RIMS4: variants seen among roughly 807,000 people sequenced by gnomAD.
The protein encoded by RIMS4 is regulating synaptic membrane exocytosis 4.
Under a neutral mutation model 29.0 loss-of-function variants are expected in RIMS4, and 9 were observed. That is an observed-to-expected ratio of 0.31 (90% CI 0.19 to 0.54). The LOEUF (loss-of-function observed/expected upper bound fraction) is 0.54. Among genes scored for constraint, RIMS4 ranks in the 20% least tolerant of loss-of-function variants. The pLI, the probability that RIMS4 is intolerant of heterozygous loss-of-function variation, is 0.94. For missense variants in RIMS4, 193 were observed against 365.7 expected, an observed-to-expected ratio of 0.53 and a Z score of 3.85; for synonymous variants, 130 against 152.9, an observed-to-expected ratio of 0.85 and a Z score of 1.10.
Position 44,753,928 on chromosome 20 carries a change from G to A in RIMS4, c.*2206C>T, listed in dbSNP as rs1369736707. The A allele has an allele frequency of 6.6e-6, 1 of 152,642 alleles. No individual in the cohort carries two copies. Among genetic ancestry groups the A allele is most frequent in the Non-Finnish European group, 1.5e-5 (1 of 68,054 alleles). The allele number at this position is 152,642 out of a possible 1,614,324, so 9.5% of individuals were successfully genotyped here. A position where few individuals can be genotyped will look rare whatever the true frequency, so the allele number is the denominator to read the frequency against. On this transcript the variant is annotated 3_prime_UTR_variant, in exon 6 of 6. Coordinates refer to ENST00000372851, the MANE Select transcript of RIMS4 (RefSeq NM_182970.4). ...TTTATAAAGGCTGTGCAGACACCAG[G>A]GGAAGGGCTCAGGCTGTCAGGGCCA...
intron 1 of RIMS4, among the ~76,000 whole-genome samples, chr20:44,797,523 G>A (rs1448350630): frequency 6.6e-6 from 1 of 152,158 alleles, no homozygotes. Flanking sequence ...CTCCCATCCT[G>A]GGGTTTCATC....
intron 3 of RIMS4, 88 bp from the exon 4 acceptor site, chr20:44,757,859 C>T: frequency 8.3e-7 from 1 of 1,207,772 alleles, no homozygotes; most frequent in African/African-American, 1.5e-5. Flanking sequence ...AGGGCTGAAA[C>T]CCCCTTCCCC....
At chr20:44,787,692 TC>T (rs552662732) in intron 1 of RIMS4, among the ~76,000 whole-genome samples, 2,020 of 143,276 alleles carry the variant, frequency 0.014, 22 homozygotes, top group South Asian at 0.035. Flanking sequence ...TTTGGTTTTC[TC>T]CAGGAAAAAA....
chr20:44,810,116 G>A (rs377519196), intron 1 of RIMS4, 59 bp downstream of exon 1: 13 of 1,059,836 alleles, frequency 1.2e-5, no homozygotes, highest in East Asian at 6.4e-5. Flanking sequence ...CGGGGAGGGG[G>A]CTACCGGACC....
At chr20:44,781,421 A>G (rs1473477037) in intron 1 of RIMS4, among the ~76,000 whole-genome samples, 1 of 152,234 alleles carries the variant, frequency 6.6e-6, no homozygotes, top group African/African-American at 2.4e-5. Flanking sequence ...AGCAGAATTG[A>G]TTCAATGCTG....
intron 1 of RIMS4, among the ~76,000 whole-genome samples, chr20:44,808,707 A>G (rs1158357581): frequency 1.3e-5 from 2 of 152,184 alleles, no homozygotes; most frequent in African/African-American, 2.4e-5. Context: ...AGACAGGTCT[A>G]TTGGGGATCT....
intron 2 of RIMS4, among the ~76,000 whole-genome samples, chr20:44,763,332 C>G (rs1308610643): frequency 1.3e-5 from 2 of 152,208 alleles, no homozygotes; most frequent in Non-Finnish European, 2.9e-5. Context: ...AGTCAGAGAG[C>G]TAGTGTAGGC....
Position 44,755,134 on chromosome 20 carries a change from T to G in RIMS4, c.*1000A>C, listed in dbSNP as rs902502740. On this transcript the variant is annotated 3_prime_UTR_variant, in exon 6 of 6. Transcript: ENST00000372851. The stretch of plus-strand genomic sequence containing the variant: ...GATGTTTTTTTTAAAAAGACTAAAA[T>G]AGGGGGGCTCTATTTGCCTCCCCAG... 3.3e-5 allele frequency: 5 copies of G among 152,474 alleles called. No individual in the cohort carries two copies. The highest frequency in any genetic ancestry group is 3.3e-4 in the Admixed American group (5 of 15,270). 9.4% of individuals were successfully genotyped at this position (152,474 alleles called of 1,614,324 possible).
intron 1 of RIMS4, among the ~76,000 whole-genome samples, chr20:44,778,470 G>A (rs994208684): frequency 5.3e-5 from 8 of 152,188 alleles, no homozygotes; most frequent in African/African-American, 1.9e-4. Context: ...GAGCCCAGGA[G>A]TTCAAGACCA....
chr20:44,793,778 T>G (rs1259838241), intron 1 of RIMS4, among the ~76,000 whole-genome samples: 2 of 151,828 alleles, frequency 1.3e-5, no homozygotes, highest in Admixed American at 1.3e-4. Flanking sequence ...GGTCTAAAGG[T>G]AGAAATGAAG....
At chr20:44,768,841 G>A (rs553981086) in intron 2 of RIMS4, among the ~76,000 whole-genome samples, 5 of 152,276 alleles carry the variant, frequency 3.3e-5, no homozygotes, top group South Asian at 4.1e-4. Context: ...CACTATATCC[G>A]TTAGAATGCA....
intron 1 of RIMS4, among the ~76,000 whole-genome samples, chr20:44,793,711 G>C (rs1484083931): frequency 6.6e-6 from 1 of 152,170 alleles, no homozygotes; most frequent in Non-Finnish European, 1.5e-5. Flanking sequence ...GACTGGAGGA[G>C]GGTCAGAGAA....
At chr20:44,759,466 C>T (rs1487310712) in intron 2 of RIMS4, among the ~76,000 whole-genome samples, 3 of 152,178 alleles carry the variant, frequency 2.0e-5, no homozygotes, top group Non-Finnish European at 4.4e-5. Flanking sequence ...ATCACATTGG[C>T]CAGGCTGGTC....
intron 1 of RIMS4, 147 bp from the exon 2 acceptor site, chr20:44,771,560 T>G: frequency 1.4e-6 from 1 of 734,420 alleles, no homozygotes; most frequent in South Asian, 2.1e-5. Flanking sequence ...CTCCTCAGAC[T>G]CCTGGCCTCA....
intron 1 of RIMS4, among the ~76,000 whole-genome samples, chr20:44,774,007 C>A (rs190777389): frequency 1.3e-5 from 2 of 152,314 alleles, no homozygotes; most frequent in East Asian, 3.9e-4. Context: ...CTTGCTGACA[C>A]CCTTGTAGAC....
chr20:44,800,472 A>T (rs2145478585), intron 1 of RIMS4, among the ~76,000 whole-genome samples: 1 of 152,134 alleles, frequency 6.6e-6, no homozygotes, highest in East Asian at 1.9e-4. Flanking sequence ...TCCCCCGGAT[A>T]TTTTTCATGT....
At position 44,810,137 on chromosome 20, in the gene RIMS4, G is replaced by C. The variant is rs569749484; in HGVS notation, c.97+38C>G. On this transcript the variant is annotated intron_variant, in intron 1 of 5. Transcript: ENST00000372851. ...GGGGGCTACCGGACCTGGATCCCGG[G>C]ACACCCCGGGGGTCTGGGGGGCGGG... 1.2e-4 allele frequency: 167 copies of C among 1,368,522 alleles called. 1 individual carries two copies. The South Asian group carries it at 1.9e-3, about 15-fold the overall frequency. The allele number at this position is 1,368,522 out of a possible 1,614,324, so 84.8% of individuals were successfully genotyped here.
At position 44,810,299 on chromosome 20, in the gene RIMS4, CGCGGCGGCGGCG is replaced by C. The variant is rs980349977; in HGVS notation, c.-40_-29del. The C allele has an allele frequency of 4.2e-6, 4 of 956,170 alleles. No homozygotes were observed. The highest frequency in any genetic ancestry group is 5.8e-5 in the Admixed American group (1 of 17,144). 59.2% of individuals were successfully genotyped at this position (956,170 alleles called of 1,614,324 possible). On this transcript the variant is annotated 5_prime_UTR_variant, in exon 1 of 6. Transcript: ENST00000372851. ...CCGCGCCGGCGCCGGGCGCCTCGGC[CGCGGCGGCGGCG>C]GCGGCGGCGGGCGGCTTGGGCAGCT... is the stretch of plus-strand genomic sequence containing the variant.
Position 44,752,873 on chromosome 20 carries a change from A to G in RIMS4, c.*3261T>C, listed in dbSNP as rs2066040474. 1 of 152,358 alleles carries G rather than the reference A, an allele frequency of 6.6e-6. No homozygotes were observed. Among genetic ancestry groups the G allele is most frequent in the African/African-American group, 2.4e-5 (1 of 41,452 alleles). 9.4% of individuals were successfully genotyped at this position (152,358 alleles called of 1,614,324 possible). On this transcript the variant is annotated 3_prime_UTR_variant, in exon 6 of 6. Transcript: ENST00000372851. ...ACCCAGGCATCAAGGTCTAGACCCAATCCTGTGTACCCTCAGTCAGCTGGG... is the reference window on the plus strand; with the variant it reads ...ACCCAGGCATCAAGGTCTAGACCCAGTCCTGTGTACCCTCAGTCAGCTGGG...
Sources: gnomAD v4.1 joint callset for allele counts (sites outside exome capture counted in the v4.1 genomes callset) on GRCh38, gnomAD v4.1.1 for gene constraint, MANE v1.5 for transcripts, NCBI Gene and HGNC (gene_info 2026-07-23, HGNC 2026-07-21) for gene names.